The following SP3 variants were observed in gnomAD, a reference collection of about 807,000 sequenced individuals.
SP3 encodes the protein Sp3 transcription factor.
SP3 carries 10 observed loss-of-function variants against 70.3 expected under a neutral mutation model. That is an observed-to-expected ratio of 0.14 (90% CI 0.09 to 0.24). SP3 has a LOEUF of 0.24. Ranked by LOEUF, SP3 falls within the 10% of genes least tolerant of loss-of-function variation. SP3 has a pLI of 1.00. For missense variants in SP3, 825 were observed against 914.6 expected (o/e 0.90, Z 1.26); for synonymous variants, 402 against 333.5 (o/e 1.21, Z -2.24).
chr2:173,957,997 G>A (rs972395371), intron 3 of SP3, among the ~76,000 whole-genome samples: 26 of 151,958 alleles, frequency 1.7e-4, no homozygotes, highest in African/African-American at 4.8e-4. Flanking sequence ...GTTTCATTTC[G>A]GTCTCTTGGC....
At chr2:173,954,395 T>C (rs1690813581) in intron 4 of SP3, among the ~76,000 whole-genome samples, 1 of 152,168 alleles carries the variant, frequency 6.6e-6, no homozygotes, top group Non-Finnish European at 1.5e-5. Flanking sequence ...ACAAGGAAAC[T>C]GAGTTTGCGA....
rs554726810 is a variant in SP3, at chr2:173,923,146, G to GT, written c.1640-4362dup. Among the ~76,000 whole-genome samples the GT allele has an allele frequency of 3.6e-3, 543 of 150,758 alleles. 4 individuals are homozygous for GT. Among genetic ancestry groups the GT allele is most frequent in the African/African-American group, 0.013 (529 of 40,142 alleles). On this transcript the variant is annotated intron_variant, in intron 4 of 6. Coordinates refer to ENST00000310015, the MANE Select transcript of SP3 (RefSeq NM_003111.5). ...ATTTAAGAACTTTATAAACAGCACT[G>GT]TTTTTTTATGTCTATTCTCCACCTC...
intron 4 of SP3, among the ~76,000 whole-genome samples, chr2:173,945,276 A>T (rs1690505542): frequency 6.6e-6 from 1 of 152,182 alleles, no homozygotes; most frequent in South Asian, 2.1e-4. Flanking sequence ...GTATAATTTA[A>T]AATACCCAAT....
At chr2:173,919,935 TA>T (rs1046516615) in intron 4 of SP3, among the ~76,000 whole-genome samples, 14 of 152,140 alleles carry the variant, frequency 9.2e-5, no homozygotes, top group African/African-American at 3.1e-4. Flanking sequence ...GTAATCACCC[TA>T]AACTAGAAAA....
intron 2 of SP3, 110 bp downstream of exon 2, chr2:173,964,295 G>A (rs1481015216): frequency 9.0e-6 from 5 of 553,716 alleles, no homozygotes; most frequent in Admixed American, 3.3e-5. Flanking sequence ...GGGAGTGGAG[G>A]GGAGGGGAGA....
chr2:173,910,534 G>A (rs928515699), intron 6 of SP3, among the ~76,000 whole-genome samples: 8 of 151,994 alleles, frequency 5.3e-5, no homozygotes, highest in African/African-American at 1.9e-4. Context: ...TCTCAACTAC[G>A]CTAAGAGTTT....
intron 4 of SP3, among the ~76,000 whole-genome samples, chr2:173,950,658 TAAAAA>T (rs528534985): frequency 7.7e-5 from 10 of 130,550 alleles, no homozygotes; most frequent in Admixed American, 3.9e-4. Context: ...CCCTGTCTCT[TAAAAA>T]AAAAAAAAAA....
intron 4 of SP3, among the ~76,000 whole-genome samples, chr2:173,931,983 AC>A (rs1431718873): frequency 1.3e-5 from 2 of 152,140 alleles, no homozygotes; most frequent in Non-Finnish European, 2.9e-5. Flanking sequence ...CTGGACTAGG[AC>A]TTTTAATTTC....
In SP3 at chr2:173,902,157, G is replaced by C. The variant is rs1015289357; in HGVS notation, c.*7784C>G. Among the ~76,000 whole-genome samples, 7 of 152,146 alleles carry C rather than the reference G, an allele frequency of 4.6e-5. No individual in the cohort carries two copies. Among genetic ancestry groups the C allele is most frequent in the Non-Finnish European group, 8.8e-5 (6 of 68,024 alleles). ...TTCTGCTACAGTTAACAAATATTTG[G>C]TTATCCCTACTGGTACCAATTTTTA... On this transcript the variant is annotated 3_prime_UTR_variant, in exon 7 of 7. Transcript: ENST00000310015.
chr2:173,934,510 T>C (rs1690160491), intron 4 of SP3, among the ~76,000 whole-genome samples: 1 of 152,142 alleles, frequency 6.6e-6, no homozygotes, highest in Non-Finnish European at 1.5e-5. Context: ...AAACTAAAGA[T>C]ATTTTCACCA....
At chr2:173,936,173 C>A (rs192531627) in intron 4 of SP3, among the ~76,000 whole-genome samples, 16 of 152,210 alleles carry the variant, frequency 1.1e-4, no homozygotes, top group African/African-American at 3.9e-4. Context: ...TACAAGCACA[C>A]GCCACCACAC....
intron 4 of SP3, among the ~76,000 whole-genome samples, chr2:173,949,622 C>CA (rs1267557382): frequency 1.3e-5 from 2 of 152,078 alleles, no homozygotes; most frequent in African/African-American, 4.8e-5. Context: ...CATAAGAGAT[C>CA]CATCCCTCTT....
Position 173,955,422 on chromosome 2 carries a change from G to C in SP3, c.1090C>G (p.His364Asp). Residue 364 changes from histidine (H) to aspartate (D), a missense_variant, in exon 4 of 7, where the codon CAT (histidine) becomes GAT (aspartate). This residue lies in a region of SP3 where 678 missense variants were observed against 651.6 expected (regional missense o/e 1.04). Transcript: ENST00000310015. ...TAATTTCCCTGAAGATCTGAAGAAT[G>C]AACCTGCCCACTAGATGTAGTCAAG... ...NSLTTSSGQV[H>D]SSDLQGNYIQ... The C allele has an allele frequency of 1.2e-6, 2 of 1,614,094 alleles. No homozygotes were observed. The highest frequency in any genetic ancestry group is 1.7e-6 in the Non-Finnish European group (2 of 1,180,014).
Position 173,937,055 on chromosome 2 carries a change from A to G in SP3, c.1639+17818T>C, listed in dbSNP as rs149802279. Among the ~76,000 whole-genome samples, 6 of 152,324 alleles carry G rather than the reference A, an allele frequency of 3.9e-5. No homozygotes were observed. The East Asian group carries it at 1.2e-3, about 29-fold the overall frequency. On this transcript the variant is annotated intron_variant, in intron 4 of 6. Transcript: ENST00000310015. ...CCATGTATCTATCTTAAATACTCCA[A>G]TAAATCTGTAAGCTTCTTGAGAAAA... is the stretch of plus-strand genomic sequence containing the variant.
In SP3 at chr2:173,902,269, G is replaced by C. The variant is rs1689202693; in HGVS notation, c.*7672C>G. On this transcript the variant is annotated 3_prime_UTR_variant, in exon 7 of 7. Coordinates refer to ENST00000310015, the MANE Select transcript of SP3 (RefSeq NM_003111.5). ...TTCCAGATGAATCTAGAATCATTTT[G>C]TCAAATCCCAAAACAAAATTTCATT... Among the ~76,000 whole-genome samples the C allele has an allele frequency of 6.6e-6, 1 of 152,002 alleles. No individual in the cohort carries two copies. The highest frequency in any genetic ancestry group is 1.5e-5 in the Non-Finnish European group (1 of 68,018).
At chr2:173,935,574 C>G (rs1314691557) in intron 4 of SP3, among the ~76,000 whole-genome samples, 1 of 152,156 alleles carries the variant, frequency 6.6e-6, no homozygotes, top group Non-Finnish European at 1.5e-5. Context: ...AATGTACACA[C>G]TTCCTGCACG....
rs1689425638 is a variant in SP3 at position 173,909,786 on chromosome 2, A to G, written c.*155T>C. On this transcript the variant is annotated 3_prime_UTR_variant, in exon 7 of 7. Coordinates refer to ENST00000310015, the MANE Select transcript of SP3 (RefSeq NM_003111.5). ...CATTTTTAATATACTATGGAATATC[A>G]TACAAAGTAAGGCATTTCAGTGTCA... 3 of 592,656 alleles carry G rather than the reference A, an allele frequency of 5.1e-6. No homozygotes were observed. In the South Asian group the frequency reaches 6.5e-5, roughly 13 times the overall value. 36.7% of individuals were successfully genotyped at this position (592,656 alleles called of 1,614,324 possible).
intron 4 of SP3, among the ~76,000 whole-genome samples, chr2:173,934,193 T>A (rs143622344): frequency 4.6e-4 from 69 of 151,042 alleles, no homozygotes; most frequent in African/African-American, 1.6e-3. Context: ...TGAGCTATAA[T>A]CATACCCCTG....
At position 173,909,790 on chromosome 2, in the gene SP3, AAAGT is replaced by A. The variant is rs1689425990; in HGVS notation, c.*147_*150del. 4 of 599,122 alleles carry A rather than the reference AAAGT, an allele frequency of 6.7e-6. No individual in the cohort carries two copies. The highest frequency in any genetic ancestry group is 2.9e-5 in the East Asian group (1 of 34,100). 37.1% of individuals were successfully genotyped at this position (599,122 alleles called of 1,614,324 possible). A position where few individuals can be genotyped will look rare whatever the true frequency, so the allele number is the denominator to read the frequency against. ...TTTAATATACTATGGAATATCATAC[AAAGT>A]AAGGCATTTCAGTGTCATGTATAAC... On this transcript the variant is annotated 3_prime_UTR_variant, in exon 7 of 7. Coordinates refer to ENST00000310015, the MANE Select transcript of SP3 (RefSeq NM_003111.5).
Sources: allele counts gnomAD v4.1 joint callset (sites outside exome capture counted in the v4.1 genomes callset), GRCh38; gene constraint gnomAD v4.1.1; regional missense constraint gnomAD v4.1.1; transcripts MANE v1.5; gene names NCBI Gene and HGNC (gene_info 2026-07-23, HGNC 2026-07-21).